RASGRP3: variants seen among roughly 807,000 people sequenced by gnomAD.
The protein encoded by RASGRP3 is RAS guanyl releasing protein 3, also known as ras guanyl-releasing protein 3.
In RASGRP3, 54 loss-of-function variants were observed where a neutral mutation model predicts 82.7. The observed-to-expected ratio is 0.65, with a 90% confidence interval of 0.52 to 0.82. The LOEUF (loss-of-function observed/expected upper bound fraction) is 0.82, where lower values mean the gene tolerates loss of function less well. Among genes scored for constraint, RASGRP3 ranks in the 40% least tolerant of loss-of-function variants. The probability of loss-of-function intolerance (pLI) is 0.00; values close to 1 mark genes in which losing one functional copy is unlikely to be tolerated. For missense variants in RASGRP3, 861 were observed against 828.9 expected (o/e 1.04, Z -0.48); for synonymous variants, 309 against 300.5 (o/e 1.03, Z -0.29).
intron 12 of RASGRP3, among the ~76,000 whole-genome samples, chr2:33,541,669 T>A (rs1168003953): frequency 6.8e-6 from 1 of 147,586 alleles, no homozygotes; most frequent in Non-Finnish European, 1.5e-5. Flanking sequence ...TGACCATTTG[T>A]ATTTTTATTT....
At chr2:33,484,562 C>T (rs1218277090) in intron 1 of RASGRP3, among the ~76,000 whole-genome samples, 1 of 151,956 alleles carries the variant, frequency 6.6e-6, no homozygotes, top group Non-Finnish European at 1.5e-5. Flanking sequence ...GTAAGGACAG[C>T]ACCCAGTCTG....
At chr2:33,536,812 A>G (rs1673657740) in intron 11 of RASGRP3, among the ~76,000 whole-genome samples, 1 of 152,306 alleles carries the variant, frequency 6.6e-6, no homozygotes, top group East Asian at 1.9e-4. Context: ...GCCACATTCA[A>G]GCCCTTTGCT....
At chr2:33,550,846 G>T (rs900692209) in intron 14 of RASGRP3, among the ~76,000 whole-genome samples, 2 of 151,872 alleles carry the variant, frequency 1.3e-5, no homozygotes, top group Non-Finnish European at 2.9e-5. Flanking sequence ...ACTCCTCTGA[G>T]AATGGGTAAA....
At chr2:33,438,855 A>G (rs1485982639) in intron 1 of RASGRP3, among the ~76,000 whole-genome samples, 2 of 152,232 alleles carry the variant, frequency 1.3e-5, no homozygotes, top group African/African-American at 2.4e-5. Flanking sequence ...TTTAAATACA[A>G]GTAAAATCAG....
At chr2:33,520,834 A>G (rs188158002) in intron 6 of RASGRP3, 150 bp downstream of exon 6, 13 of 1,028,270 alleles carry the variant, frequency 1.3e-5, no homozygotes, top group East Asian at 1.2e-4. Flanking sequence ...CGCAAGCCGT[A>G]TGGGACACAG....
At chr2:33,524,140 A>G in intron 8 of RASGRP3, 88 bp downstream of exon 8, 1 of 1,431,570 alleles carries the variant, frequency 7.0e-7, no homozygotes, top group Non-Finnish European at 9.6e-7. Flanking sequence ...TGGCGTTCAC[A>G]GTATAAGGGC....
chr2:33,538,687 A>C (rs1369300255), intron 11 of RASGRP3, among the ~76,000 whole-genome samples: 2 of 152,188 alleles, frequency 1.3e-5, no homozygotes, highest in Non-Finnish European at 2.9e-5. Flanking sequence ...ATGAATATAC[A>C]AAACTTATTC....
chr2:33,550,323 T>C (rs1348154576), intron 14 of RASGRP3, among the ~76,000 whole-genome samples: 2 of 152,204 alleles, frequency 1.3e-5, no homozygotes, highest in Admixed American at 1.3e-4. Context: ...TTTCACCATC[T>C]TGCTTATGAA....
chr2:33,450,197 C>G (rs1490327945), intron 2 of RASGRP3, among the ~76,000 whole-genome samples: 1 of 152,096 alleles, frequency 6.6e-6, no homozygotes, highest in Admixed American at 6.5e-5. Context: ...ATCAAATCAC[C>G]TATTTAACAT....
chr2:33,543,451 C>T, intron 12 of RASGRP3, 61 bp from the exon 13 acceptor site: 1 of 1,043,818 alleles, frequency 9.6e-7, no homozygotes, highest in Non-Finnish European at 1.4e-6. Flanking sequence ...GTTGCTTTTG[C>T]AATAACAAGT....
chr2:33,451,918 T>C (rs903140639), intron 2 of RASGRP3, among the ~76,000 whole-genome samples: 4 of 152,038 alleles, frequency 2.6e-5, no homozygotes, highest in African/African-American at 9.7e-5. Flanking sequence ...TACTTCTTCT[T>C]TGTTGTTGTT....
intron 4 of RASGRP3, 154 bp downstream of exon 4, chr2:33,516,798 A>G: frequency 1.9e-6 from 1 of 527,310 alleles, no homozygotes; most frequent in Non-Finnish European, 3.3e-6. Context: ...GACAAAACAC[A>G]TCTGGATGAT....
chr2:33,529,072 C>T (rs1672848257), intron 10 of RASGRP3, among the ~76,000 whole-genome samples: 1 of 152,034 alleles, frequency 6.6e-6, no homozygotes, highest in Admixed American at 6.5e-5. Flanking sequence ...AGGTGCCTAC[C>T]CTTGGGCAAT....
upstream of RASGRP3, among the ~76,000 whole-genome samples, chr2:33,472,106 G>A (rs1667090339): frequency 6.6e-6 from 1 of 152,058 alleles, no homozygotes; most frequent in African/African-American, 2.4e-5. Context: ...TAATGGGCTA[G>A]ACAGAAGATC....
In RASGRP3 at chr2:33,545,279, T is replaced by C. The variant is rs867499821; in HGVS notation, c.1394+1652T>C. On this transcript the variant is annotated intron_variant, in intron 13 of 17. Transcript: ENST00000403687. ...GCTTACATGACACTAAAGTTTTGAGTGGTTAATACTGGAAAGTCTCAAAAA... is the reference window on the plus strand; with the variant it reads ...GCTTACATGACACTAAAGTTTTGAGCGGTTAATACTGGAAAGTCTCAAAAA... 3.9e-5 allele frequency among the ~76,000 whole-genome samples: 6 copies of C among 152,350 alleles called. 1 individual carries two copies. Among genetic ancestry groups the C allele is most frequent in the Middle Eastern group, 3.4e-3 (1 of 294 alleles).
chr2:33,500,702 G>A (rs568173784), intron 1 of RASGRP3, among the ~76,000 whole-genome samples: 2 of 152,316 alleles, frequency 1.3e-5, no homozygotes, highest in African/African-American at 2.4e-5. Context: ...TTGGGAGGCC[G>A]AGGCAGGCGG....
At position 33,558,276 on chromosome 2, in the gene RASGRP3, C is replaced by T. The variant is rs751642105; in HGVS notation, c.1645C>T (p.Arg549Trp). The change falls in exon 16 of 18, where the codon CGG becomes TGG. Residue 549 changes from arginine to tryptophan, a missense_variant. By Grantham distance (101) the Arg-to-Trp change is moderately radical. Coordinates refer to ENST00000403687, the MANE Select transcript of RASGRP3 (RefSeq NM_001139488.2). Reference protein sequence around the residue: ...LLVLACRRFARAPSLSSGHGS... With the variant: ...LLVLACRRFAWAPSLSSGHGS... Reference sequence around the variant, plus strand: ...GGTTCTGGCCTGCAGGAGATTTGCCCGGGCGCCCTCCTTGAGCAGTGGTCA... The same window carrying T: ...GGTTCTGGCCTGCAGGAGATTTGCCTGGGCGCCCTCCTTGAGCAGTGGTCA... The T allele has an allele frequency of 2.6e-5, 42 of 1,613,332 alleles. No homozygotes were observed. Among genetic ancestry groups the T allele is most frequent in the Admixed American group, 5.0e-5 (3 of 59,930 alleles).
At chr2:33,539,989 A>G (rs1401645414) in intron 12 of RASGRP3, 1 of 76,258 alleles carries the variant, frequency 1.3e-5, no homozygotes, top group Non-Finnish European at 2.6e-5. Context: ...CTCCGTCTGA[A>G]AAAAAAAAAA....
Position 33,551,252 on chromosome 2 carries a change from G to A in RASGRP3, c.1542+1501G>A, listed in dbSNP as rs537297592. Among the ~76,000 whole-genome samples the A allele has an allele frequency of 7.1e-4, 108 of 152,150 alleles. 2 individuals are homozygous for A. In the South Asian group the frequency reaches 8.7e-3, roughly 12 times the overall value. On this transcript the variant is annotated intron_variant, in intron 14 of 17. Transcript: ENST00000403687. ...CATTTGAACCTGGGAGGCAGAGGTT[G>A]CACTGGGCCAAGATCATGCCACTGC...
Sources: allele counts gnomAD v4.1 joint callset (sites outside exome capture counted in the v4.1 genomes callset), GRCh38; gene constraint gnomAD v4.1.1; transcripts MANE v1.5; gene names NCBI Gene and HGNC (gene_info 2026-07-23, HGNC 2026-07-21).